Variants in SLC8A3 observed in about 807,000 individuals in gnomAD.
The protein encoded by SLC8A3 is solute carrier family 8 member A3, also known as sodium/calcium exchanger 3.
SLC8A3 carries 37 observed loss-of-function variants against 65.4 expected under a neutral mutation model. The observed-to-expected ratio is 0.57, with a 90% CI of 0.44 to 0.74. SLC8A3 has a LOEUF of 0.74. Ranked by LOEUF, SLC8A3 falls within the 30% of genes least tolerant of loss-of-function variation. The pLI, the probability that SLC8A3 is intolerant of heterozygous loss-of-function variation, is 0.00. For missense variants in SLC8A3, 1,112 were observed against 1,172.1 expected (o/e 0.95, Z 0.75); for synonymous variants, 461 against 444.5 (o/e 1.04, Z -0.47).
chr14:70,089,520 G>A (rs1891673363), intron 2 of SLC8A3, among the ~76,000 whole-genome samples: 1 of 152,122 alleles, frequency 6.6e-6, no homozygotes, highest in African/African-American at 2.4e-5. Flanking sequence ...GTGGAGCAAT[G>A]GGCAGAGGAA....
At chr14:70,051,129 G>A in intron 4 of SLC8A3, 22 bp from the exon 5 acceptor site, 1 of 1,520,334 alleles carries the variant, frequency 6.6e-7, no homozygotes, top group Non-Finnish European at 9.1e-7. Context: ...AGAAAAACTT[G>A]GAACCATGAG....
At chr14:70,134,454 G>A (rs1264338730) in intron 2 of SLC8A3, among the ~76,000 whole-genome samples, 1 of 152,054 alleles carries the variant, frequency 6.6e-6, no homozygotes, top group Non-Finnish European at 1.5e-5. Context: ...AGGTTTGTCC[G>A]AACAAGGTAA....
Position 70,044,910 on chromosome 14 carries a change from T to G in SLC8A3, c.*1037A>C, listed in dbSNP as rs1174275190. ...CTTTTCTCTTAAAGATCTCACTGGT[T>G]GGACATCTCTTCTCTCCTGCCTCAG... On this transcript the variant is annotated 3_prime_UTR_variant, in exon 7 of 7. Transcript: ENST00000356921. 1 of 152,240 alleles carries G rather than the reference T, an allele frequency of 6.6e-6. No individual in the cohort carries two copies. The highest frequency in any genetic ancestry group is 1.9e-4 in the East Asian group (1 of 5,194). The allele number at this position is 152,240 out of a possible 1,614,324, so 9.4% of individuals were successfully genotyped here.
chr14:70,107,474 T>G (rs1469711204), intron 2 of SLC8A3, among the ~76,000 whole-genome samples: 1 of 152,074 alleles, frequency 6.6e-6, no homozygotes, highest in Non-Finnish European at 1.5e-5. Context: ...ATTTTCAGTC[T>G]CACTGTAGGG....
At chr14:70,117,852 C>T (rs1443875497) in intron 2 of SLC8A3, among the ~76,000 whole-genome samples, 1 of 152,154 alleles carries the variant, frequency 6.6e-6, no homozygotes, top group East Asian at 1.9e-4. Context: ...TCTCTACACC[C>T]TACAGCTCAA....
intron 1 of SLC8A3, among the ~76,000 whole-genome samples, chr14:70,182,378 A>G (rs1882828113): frequency 6.6e-6 from 1 of 152,210 alleles, no homozygotes; most frequent in Non-Finnish European, 1.5e-5. Context: ...CAAACCATTC[A>G]GGGAGACTGC....
intron 2 of SLC8A3, among the ~76,000 whole-genome samples, chr14:70,102,509 T>C (rs1051742457): frequency 1.3e-5 from 2 of 152,100 alleles, no homozygotes; most frequent in Admixed American, 6.5e-5. Flanking sequence ...GATCACTCAA[T>C]AGAAAATAAC....
chr14:70,087,249 C>A (rs1891502034), intron 2 of SLC8A3, among the ~76,000 whole-genome samples: 1 of 152,198 alleles, frequency 6.6e-6, no homozygotes, highest in African/African-American at 2.4e-5. Flanking sequence ...AAAGGAAAAG[C>A]ATTTAATGTG....
intron 6 of SLC8A3, chr14:70,048,456 T>C (rs1158244431): frequency 1.7e-6 from 1 of 596,316 alleles, no homozygotes; most frequent in Non-Finnish European, 3.0e-6. Context: ...GGCCTCAGTT[T>C]CTTTGTCTGT....
chr14:70,125,203 G>A (rs1238064351), intron 2 of SLC8A3, among the ~76,000 whole-genome samples: 1 of 152,188 alleles, frequency 6.6e-6, no homozygotes, highest in Non-Finnish European at 1.5e-5. Context: ...TTTAAGGGGT[G>A]TAAGGGCAAT....
intron 1 of SLC8A3, among the ~76,000 whole-genome samples, chr14:70,187,599 CTGTGTGTGTGTGTGTGTGTG>C (rs3053393): frequency 0.13 from 15,531 of 118,262 alleles, 1,214 homozygotes; most frequent in Non-Finnish European, 0.18. Flanking sequence ...AGGGCTTTGA[CTGTGTGTGTGTGTGTGTGTG>C]TGTGTGTGTG....
At chr14:70,101,494 G>C (rs923009579) in intron 2 of SLC8A3, among the ~76,000 whole-genome samples, 1 of 152,208 alleles carries the variant, frequency 6.6e-6, no homozygotes, top group Non-Finnish European at 1.5e-5. Context: ...TAGAGAAATA[G>C]CCAGAATTTG....
intron 2 of SLC8A3, among the ~76,000 whole-genome samples, chr14:70,142,557 A>G (rs117009644): frequency 0.015 from 2,244 of 152,350 alleles, 26 homozygotes; most frequent in South Asian, 0.035. Flanking sequence ...ATTTAACCAT[A>G]GACTGGCTGA....
At chr14:70,188,057 G>T (rs1157771509) in intron 1 of SLC8A3, among the ~76,000 whole-genome samples, 1 of 152,018 alleles carries the variant, frequency 6.6e-6, no homozygotes, top group East Asian at 1.9e-4. Flanking sequence ...GCATGCTCAC[G>T]ATCCAACTGT....
Position 70,046,123 on chromosome 14 carries a change from T to G in SLC8A3, c.2590A>C (p.Ile864Leu), listed in dbSNP as rs1234321352. The change falls in exon 7 of 7, where the codon ATC (isoleucine) becomes CTC (leucine). Residue 864 changes from isoleucine to leucine, a missense_variant. By Grantham distance (5) the Ile-to-Leu change is conservative (BLOSUM62 2). Transcript: ENST00000356921. The surrounding 1 kb of genome is among the most constrained non-coding windows in gnomAD (Gnocchi z 4.2). ...TLAFSVTLFT[I>L]FAFVCISVLL... ...ACGCTGATGCAGACAAATGCAAAGA[T>G]GGTGAAGAGGGTGACGGAGAAGGCC... The G allele has an allele frequency of 1.2e-6, 2 of 1,613,928 alleles. No individual in the cohort carries two copies. The highest frequency in any genetic ancestry group is 3.3e-5 in the Admixed American group (2 of 60,002).
Position 70,163,399 on chromosome 14 carries a change from T to A in SLC8A3, c.1784+3240A>T, listed in dbSNP as rs1383345848. ...TAAAGCATAAAACCAAACATGTGAA[T>A]TCGTGGATCCTATATTATTGATAGA... On this transcript the variant is annotated intron_variant, in intron 2 of 6. Coordinates refer to ENST00000356921, the MANE Select transcript of SLC8A3 (RefSeq NM_182932.3). 2.0e-5 allele frequency among the ~76,000 whole-genome samples: 3 copies of A among 152,214 alleles called. No individual in the cohort carries two copies. In the East Asian group the frequency reaches 5.8e-4, roughly 29 times the overall value.
rs1312685481 is a variant in SLC8A3, at chr14:70,188,841, C to A, written c.-525G>T. 4 of 152,014 alleles carry A rather than the reference C, an allele frequency of 2.6e-5. No homozygotes were observed. The East Asian group carries it at 7.8e-4, about 30-fold the overall frequency. The allele number at this position is 152,014 out of a possible 1,614,324, so 9.4% of individuals were successfully genotyped here. ...AGGGACCTGGGCTCGGGCTTGCGGT[C>A]GCGTCGCCTGGGCTTTCCCTGGGCT... is the stretch of plus-strand genomic sequence containing the variant. On this transcript the variant is annotated 5_prime_UTR_variant, in exon 1 of 7. Transcript: ENST00000356921.
chr14:70,153,017 G>A (rs1011487360), intron 2 of SLC8A3, among the ~76,000 whole-genome samples: 5 of 152,172 alleles, frequency 3.3e-5, no homozygotes, highest in South Asian at 4.1e-4. Flanking sequence ...CCAGGCAGGC[G>A]TCAGGCTGTG....
chr14:70,185,482 C>T (rs1307224728), intron 1 of SLC8A3, among the ~76,000 whole-genome samples: 1 of 152,228 alleles, frequency 6.6e-6, no homozygotes, highest in East Asian at 1.9e-4. Flanking sequence ...AGAGGACAAC[C>T]TATCGGCTTT....
Sources: allele counts gnomAD v4.1 joint callset (sites outside exome capture counted in the v4.1 genomes callset), GRCh38; gene constraint gnomAD v4.1.1; non-coding constraint Gnocchi (gnomAD v3.1); transcripts MANE v1.5; gene names NCBI Gene and HGNC (gene_info 2026-07-23, HGNC 2026-07-21).